Variants in PTPRT observed in about 807,000 individuals in gnomAD.
PTPRT encodes protein tyrosine phosphatase receptor type T.
Under a neutral mutation model 176.8 loss-of-function variants are expected in PTPRT, and 56 were observed. That is an observed-to-expected ratio of 0.32 (90% CI 0.26 to 0.40). The LOEUF is 0.40. Among genes scored for constraint, PTPRT ranks in the 10% least tolerant of loss-of-function variants. PTPRT has a pLI of 1.00. For synonymous variants in PTPRT, 783 were observed against 739.0 expected (o/e 1.06, Z -0.96); for missense variants, 1,540 against 1,908.2 (o/e 0.81, Z 3.60).
intron 15 of PTPRT, among the ~76,000 whole-genome samples, chr20:42,217,290 T>C (rs1038600563): frequency 1.3e-5 from 2 of 151,212 alleles, no homozygotes; most frequent in African/African-American, 4.9e-5. Flanking sequence ...GGAGAATCAC[T>C]TGAACCTGAG....
intron 16 of PTPRT, among the ~76,000 whole-genome samples, chr20:42,172,793 T>C (rs1990132496): frequency 6.7e-6 from 1 of 149,476 alleles, no homozygotes; most frequent in Non-Finnish European, 1.5e-5. Flanking sequence ...ACAGTCAAGA[T>C]GCAGAAATGG....
intron 16 of PTPRT, among the ~76,000 whole-genome samples, chr20:42,184,467 C>G (rs1253284731): frequency 6.7e-6 from 1 of 148,158 alleles, no homozygotes; most frequent in Admixed American, 6.7e-5. Flanking sequence ...CCTCCCCTCC[C>G]CACTCCTTCC....
intron 1 of PTPRT, among the ~76,000 whole-genome samples, chr20:42,953,630 C>G (rs1981410010): frequency 6.6e-6 from 1 of 152,152 alleles, no homozygotes; most frequent in African/African-American, 2.4e-5. Context: ...CTGGCCCCAG[C>G]ACTCAGAAGA....
At chr20:42,322,113 T>C (rs2057807576) in intron 11 of PTPRT, among the ~76,000 whole-genome samples, 1 of 152,042 alleles carries the variant, frequency 6.6e-6, no homozygotes, top group Admixed American at 6.5e-5. Context: ...AAGACTCCGA[T>C]ACAAACAAAT....
intron 7 of PTPRT, among the ~76,000 whole-genome samples, chr20:42,603,527 C>A (rs1008036354): frequency 2.6e-5 from 4 of 152,084 alleles, no homozygotes; most frequent in Admixed American, 2.6e-4. Flanking sequence ...GAGGCTGGTG[C>A]GACTAGATCT....
intron 1 of PTPRT, among the ~76,000 whole-genome samples, chr20:43,033,282 C>G (rs1391932796): frequency 6.6e-6 from 1 of 152,158 alleles, no homozygotes; most frequent in Non-Finnish European, 1.5e-5. Context: ...CTGATGGTCT[C>G]AAGGTGTGGC....
At chr20:42,341,043 T>C (rs952447961) in intron 11 of PTPRT, among the ~76,000 whole-genome samples, 22 of 152,130 alleles carry the variant, frequency 1.4e-4, no homozygotes, top group African/African-American at 5.3e-4. Flanking sequence ...TTGAATCTAT[T>C]ACTGTCTGTT....
chr20:42,578,078 C>A (rs1187633821), intron 7 of PTPRT, among the ~76,000 whole-genome samples: 1 of 151,984 alleles, frequency 6.6e-6, no homozygotes, highest in African/African-American at 2.4e-5. Flanking sequence ...AACCTTAATG[C>A]CAAGACAAAC....
At position 43,083,351 on chromosome 20, in the gene PTPRT, T is replaced by TAC. The variant is rs1555828987; in HGVS notation, c.88+106294_88+106295insGT. 6.2e-4 allele frequency among the ~76,000 whole-genome samples: 71 copies of TAC among 114,274 alleles called. 2 individuals carry two copies. The highest frequency in any genetic ancestry group is 1.5e-3 in the South Asian group (5 of 3,356). 75.0% of individuals were successfully genotyped at this position (114,274 alleles called of 152,430 possible). A position where few individuals can be genotyped will look rare whatever the true frequency, so the allele number is the denominator to read the frequency against. On this transcript the variant is annotated intron_variant, in intron 1 of 30. Transcript: ENST00000373187. ...ATATATATATATATATATATATATA[T>TAC]ATATATATATATATATATACATTTT...
intron 9 of PTPRT, among the ~76,000 whole-genome samples, chr20:42,417,868 G>C (rs2059080359): frequency 6.6e-6 from 1 of 151,908 alleles, no homozygotes; most frequent in Non-Finnish European, 1.5e-5. Context: ...CTCCTGAGGA[G>C]TTGAGATGAC....
intron 1 of PTPRT, among the ~76,000 whole-genome samples, chr20:43,003,683 G>A (rs954510476): frequency 4.6e-5 from 7 of 152,142 alleles, no homozygotes; most frequent in African/African-American, 1.7e-4. Flanking sequence ...GTTTCCTGAT[G>A]GTTCAGGTTA....
chr20:42,479,407 A>T (rs2071343656), intron 7 of PTPRT, among the ~76,000 whole-genome samples: 1 of 152,342 alleles, frequency 6.6e-6, no homozygotes, highest in East Asian at 1.9e-4. Flanking sequence ...AGCTGGAAAC[A>T]TTATTGCCAA....
chr20:42,053,197 G>A, the PTPRT span, among the ~76,000 whole-genome samples: 1 of 152,142 alleles, frequency 6.6e-6, no homozygotes, highest in Non-Finnish European at 1.5e-5. Flanking sequence ...TCTGGGTCCC[G>A]TATCCAGAGG....
At chr20:42,692,922 G>A (rs1266274986) in intron 6 of PTPRT, among the ~76,000 whole-genome samples, 2 of 152,162 alleles carry the variant, frequency 1.3e-5, no homozygotes, top group Non-Finnish European at 2.9e-5. Context: ...CGACTGGGAA[G>A]AAACATGATG....
chr20:42,396,387 C>A (rs571662573), intron 9 of PTPRT, among the ~76,000 whole-genome samples: 1 of 152,210 alleles, frequency 6.6e-6, no homozygotes, highest in South Asian at 2.1e-4. Context: ...AATGCCTGCT[C>A]AGCAGCCTCT....
intron 14 of PTPRT, among the ~76,000 whole-genome samples, chr20:42,236,593 A>ATTTTTTTT (rs11480202): frequency 1.5e-5 from 2 of 135,636 alleles, no homozygotes; most frequent in Non-Finnish European, 1.6e-5. Flanking sequence ...TGTAATTATG[A>ATTTTTTTT]TTTTTTTTTT....
At chr20:42,964,790 A>G (rs901529593) in intron 1 of PTPRT, among the ~76,000 whole-genome samples, 24 of 152,210 alleles carry the variant, frequency 1.6e-4, no homozygotes, top group Admixed American at 4.6e-4. Flanking sequence ...ATGTTGTATT[A>G]TCTGACCATG....
intron 15 of PTPRT, among the ~76,000 whole-genome samples, chr20:42,213,026 G>A (rs901526597): frequency 2.0e-5 from 3 of 152,110 alleles, no homozygotes; most frequent in African/African-American, 4.8e-5. Flanking sequence ...AGCTTTCCAG[G>A]TGATTATAGT....
intron 6 of PTPRT, among the ~76,000 whole-genome samples, chr20:42,741,994 C>G (rs575891360): frequency 6.6e-6 from 1 of 152,270 alleles, no homozygotes; most frequent in Non-Finnish European, 1.5e-5. Context: ...AACTATATTA[C>G]CCTAACTTGG....
Sources: gnomAD v4.1 joint callset for allele counts (sites outside exome capture counted in the v4.1 genomes callset) on GRCh38, gnomAD v4.1.1 for gene constraint, MANE v1.5 for transcripts, NCBI Gene and HGNC (gene_info 2026-07-23, HGNC 2026-07-21) for gene names.